The following PCDH15 variants were observed in gnomAD, a reference collection of about 807,000 sequenced individuals.
PCDH15 encodes the protein protocadherin related 15.
A neutral mutation model predicts 178.5 loss-of-function variants in PCDH15; 129 were observed. The ratio of observed to expected loss-of-function variants is 0.72; its 90% confidence interval spans 0.63 to 0.84. The LOEUF (loss-of-function observed/expected upper bound fraction) is 0.84. PCDH15 is among the 40% of genes least tolerant of loss of function. The pLI, the probability that PCDH15 is intolerant of heterozygous loss-of-function variation, is 0.00. For missense variants in PCDH15, 2,230 were observed against 2,099.9 expected, an observed-to-expected ratio of 1.06 and a Z score of -1.21; for synonymous variants, 800 against 732.0, an observed-to-expected ratio of 1.09 and a Z score of -1.50.
intron 2 of PCDH15, among the ~76,000 whole-genome samples, chr10:55,015,477 C>T (rs1452511918): frequency 6.6e-6 from 1 of 152,078 alleles, no homozygotes; most frequent in African/African-American, 2.4e-5. Context: ...GGTTTGAGTA[C>T]TGAGCGCTGT....
At chr10:55,289,921 C>CATACTTT (rs1564972969) in intron 1 of PCDH15, among the ~76,000 whole-genome samples, 16 of 151,788 alleles carry the variant, frequency 1.1e-4, no homozygotes, top group African/African-American at 3.9e-4. Flanking sequence ...GTAGTAAAAG[C>CATACTTT]AAGCTGGCTG....
At chr10:54,387,701 T>C (rs1177036740) in intron 3 of PCDH15, among the ~76,000 whole-genome samples, 5 of 152,182 alleles carry the variant, frequency 3.3e-5, no homozygotes, top group African/African-American at 1.2e-4. Flanking sequence ...GTAATTCCTG[T>C]TTCTTGCACA....
intron 28 of PCDH15, among the ~76,000 whole-genome samples, chr10:53,848,623 G>C (rs1299518034): frequency 6.6e-6 from 1 of 151,724 alleles, no homozygotes; most frequent in Admixed American, 6.6e-5. Flanking sequence ...TTTTGAACAT[G>C]AATAACCCCT....
intron 3 of PCDH15, among the ~76,000 whole-genome samples, chr10:54,435,886 C>T (rs769229224): frequency 6.2e-4 from 94 of 151,938 alleles, no homozygotes; most frequent in Admixed American, 1.4e-3. Flanking sequence ...AGGAGAATGG[C>T]GTGAACCCGG....
At chr10:54,622,563 C>CTG (rs533531938) in intron 2 of PCDH15, among the ~76,000 whole-genome samples, 84 of 41,912 alleles carry the variant, frequency 2.0e-3, no homozygotes, top group African/African-American at 6.8e-3. Context: ...TCATTGTAAC[C>CTG]TGTGTGTATA....
At chr10:55,612,934 T>A (rs1039097919) in intron 2 of PCDH15, among the ~76,000 whole-genome samples, 14 of 151,946 alleles carry the variant, frequency 9.2e-5, no homozygotes, top group African/African-American at 3.4e-4. Context: ...TAAGCTATGG[T>A]ATGATATTCT....
At chr10:55,558,902 T>C (rs1324254711) in intron 2 of PCDH15, among the ~76,000 whole-genome samples, 1 of 152,098 alleles carries the variant, frequency 6.6e-6, no homozygotes, top group African/African-American at 2.4e-5. Flanking sequence ...CATGTACAGA[T>C]ACGTGAAAAA....
intron 3 of PCDH15, among the ~76,000 whole-genome samples, chr10:54,808,943 GAA>G (rs61057226): frequency 2.2e-5 from 3 of 135,528 alleles, no homozygotes; most frequent in Admixed American, 7.4e-5. Context: ...GCTGGGAAAA[GAA>G]AAAAAAAAAA....
At chr10:55,348,029 C>G (rs969589553) in intron 2 of PCDH15, among the ~76,000 whole-genome samples, 1 of 151,876 alleles carries the variant, frequency 6.6e-6, no homozygotes. Context: ...GCAATTATTA[C>G]AAATAATACA....
At chr10:54,744,265 A>G (rs1945184074) in intron 1 of PCDH15, among the ~76,000 whole-genome samples, 1 of 152,142 alleles carries the variant, frequency 6.6e-6, no homozygotes, top group Non-Finnish European at 1.5e-5. Flanking sequence ...ACTATAGCCC[A>G]ATTGACACCT....
At position 53,806,589 on chromosome 10, in the gene PCDH15, G is replaced by T. The variant is rs1248847141; in HGVS notation, c.5213C>A (p.Thr1738Lys). 12 of 1,599,026 alleles carry T rather than the reference G, an allele frequency of 7.5e-6. No individual in the cohort carries two copies. The highest frequency in any genetic ancestry group is 9.4e-6 in the Non-Finnish European group (11 of 1,170,762). ...CTTTTAAAAAATTGGTCACAGTTTT[G>T]TCATTGGTATATGGAGGTTGTTCCA... The part of the protein sequence containing the change: ...GPWNNLHIPM[T>K]KL Residue 1738 changes from threonine to lysine, a missense_variant, in exon 38 of 38, where the codon ACA becomes AAA. Transcript: ENST00000644397.
intron 26 of PCDH15, among the ~76,000 whole-genome samples, chr10:53,897,485 A>G (rs913030418): frequency 2.6e-5 from 4 of 152,138 alleles, no homozygotes; most frequent in Admixed American, 2.6e-4. Flanking sequence ...CATTCTTTCA[A>G]TAAAAGTGAT....
intron 3 of PCDH15, among the ~76,000 whole-genome samples, chr10:54,497,548 C>T (rs2080246604): frequency 6.6e-6 from 1 of 151,946 alleles, no homozygotes; most frequent in Non-Finnish European, 1.5e-5. Flanking sequence ...AAGAAAGCAG[C>T]AAAACAATCC....
intron 1 of PCDH15, among the ~76,000 whole-genome samples, chr10:54,768,772 C>A (rs1948780075): frequency 6.6e-6 from 1 of 152,110 alleles, no homozygotes; most frequent in African/African-American, 2.4e-5. Context: ...CATGGTGTAT[C>A]CCACCTTCCT....
chr10:54,038,568 AG>A (rs1256677871), intron 18 of PCDH15, among the ~76,000 whole-genome samples: 1 of 151,948 alleles, frequency 6.6e-6, no homozygotes, highest in African/African-American at 2.4e-5. Context: ...TTTTACACTC[AG>A]GCATCAGTCA....
chr10:55,013,982 T>C (rs1316257478), intron 2 of PCDH15, among the ~76,000 whole-genome samples: 2 of 152,114 alleles, frequency 1.3e-5, no homozygotes, highest in Non-Finnish European at 2.9e-5. Context: ...TTGAAGTTTC[T>C]TTTAGTTTCT....
intron 2 of PCDH15, among the ~76,000 whole-genome samples, chr10:55,567,090 C>T (rs941279414): frequency 5.3e-5 from 8 of 151,898 alleles, no homozygotes; most frequent in South Asian, 2.1e-4. Flanking sequence ...ACATATGGAC[C>T]GGTGTAATAG....
chr10:53,943,651 C>A (rs1206457817), intron 23 of PCDH15, among the ~76,000 whole-genome samples: 1 of 151,970 alleles, frequency 6.6e-6, no homozygotes, highest in Non-Finnish European at 1.5e-5. Context: ...ACATTTAAAT[C>A]CTATGCATAC....
At chr10:53,865,567 G>T (rs574546369) in intron 27 of PCDH15, among the ~76,000 whole-genome samples, 1 of 152,110 alleles carries the variant, frequency 6.6e-6, no homozygotes, top group East Asian at 1.9e-4. Flanking sequence ...AGTGTTTACC[G>T]ATCTTAATTT....
Sources: allele counts gnomAD v4.1 joint callset (sites outside exome capture counted in the v4.1 genomes callset), GRCh38; gene constraint gnomAD v4.1.1; transcripts MANE v1.5; gene names NCBI Gene and HGNC (gene_info 2026-07-23, HGNC 2026-07-21).